Variants in ZNF618 observed in about 807,000 individuals in gnomAD.
ZNF618 encodes the protein neural precursor cell expressed, developmentally down-regulated 10.
ZNF618 carries 34 observed loss-of-function variants against 103.0 expected under a neutral mutation model. The ratio of observed to expected loss-of-function variants is 0.33; its 90% CI spans 0.25 to 0.44. ZNF618 has a LOEUF of 0.44. ZNF618 is among the 20% of genes least tolerant of loss of function. ZNF618 has a pLI of 1.00. For synonymous variants in ZNF618, 551 were observed against 542.2 expected (o/e 1.02, Z -0.23); for missense variants, 1,059 against 1,295.4 (o/e 0.82, Z 2.80).
chr9:113,985,532 G>C (rs1444632585), intron 2 of ZNF618, among the ~76,000 whole-genome samples: 1 of 152,204 alleles, frequency 6.6e-6, no homozygotes, highest in African/African-American at 2.4e-5. Flanking sequence ...TGGGGGGCCA[G>C]GGGGACTCTT....
chr9:113,977,034 G>A (rs1457163729), intron 2 of ZNF618, among the ~76,000 whole-genome samples: 2 of 152,278 alleles, frequency 1.3e-5, no homozygotes, highest in East Asian at 1.9e-4. Context: ...CAAGGGCAGC[G>A]TGCGTCCAGG....
At chr9:113,883,758 CCCA>C (rs1179285684) in intron 1 of ZNF618, among the ~76,000 whole-genome samples, 1 of 152,104 alleles carries the variant, frequency 6.6e-6, no homozygotes, top group Non-Finnish European at 1.5e-5. Flanking sequence ...TGTTCATATT[CCCA>C]CGTTTCCATA....
chr9:113,954,207 T>C (rs1423129762), intron 1 of ZNF618, among the ~76,000 whole-genome samples: 2 of 152,168 alleles, frequency 1.3e-5, no homozygotes, highest in East Asian at 3.9e-4. Context: ...TAGGAGTGGG[T>C]TTCCCCTAGC....
At chr9:114,028,052 C>G (rs1324054809) in intron 10 of ZNF618, 1 of 152,300 alleles carries the variant, frequency 6.6e-6, no homozygotes, top group African/African-American at 2.4e-5. Flanking sequence ...CTCCCAAGAC[C>G]ACCAGAGGTG....
chr9:114,002,551 CTT>C, intron 5 of ZNF618, 71 bp from the exon 6 acceptor site: 1 of 1,403,888 alleles, frequency 7.1e-7, no homozygotes, highest in East Asian at 2.3e-5. Flanking sequence ...TCCATGTTCT[CTT>C]TTGCACTTGG....
intron 3 of ZNF618, 77 bp from the exon 4 acceptor site, chr9:113,998,182 G>A: frequency 7.4e-7 from 1 of 1,356,192 alleles, no homozygotes; most frequent in Non-Finnish European, 1.0e-6. Context: ...TCAAAGTGCA[G>A]CCAACTTCGC....
intron 4 of ZNF618, 52 bp downstream of exon 4, chr9:113,998,406 G>A: frequency 3.4e-6 from 5 of 1,481,218 alleles, no homozygotes; most frequent in Non-Finnish European, 4.6e-6. Context: ...ATGGGTGGGG[G>A]CACAGCTGGA....
rs12349422 is a variant in ZNF618 at position 114,049,835 on chromosome 9, G to A, written c.2533G>A (p.Asp845Asn). The change falls in exon 15 of 15, where the codon GAC becomes AAC. Residue 845 changes from aspartate (D) to asparagine (N), a missense_variant. By Grantham distance (23) the Asp-to-Asn change is conservative (BLOSUM62 1). Transcript: ENST00000374126. ...GAAGGAGTCCTGGGCCGAGGAGGCC[G>A]ACTTCGAGCCCGCTGCCAAGAAGCC... ...EVKESWAEEA[D>N]FEPAAKKPRS... The A allele has an allele frequency of 4.0e-5, 64 of 1,613,848 alleles. No individual in the cohort carries two copies. The highest frequency in any genetic ancestry group is 4.5e-5 in the East Asian group (2 of 44,888).
intron 1 of ZNF618, among the ~76,000 whole-genome samples, chr9:113,924,398 G>GTCT (rs139348803): frequency 0.011 from 1,597 of 139,916 alleles, 36 homozygotes; most frequent in Admixed American, 0.039. Flanking sequence ...AGTAATTTGT[G>GTCT]TCTTCTTCTT....
At chr9:113,972,577 G>A (rs1419928570) in intron 2 of ZNF618, among the ~76,000 whole-genome samples, 1 of 152,056 alleles carries the variant, frequency 6.6e-6, no homozygotes, top group Non-Finnish European at 1.5e-5. Context: ...GTTAACACGT[G>A]TTACAGGAGC....
intron 1 of ZNF618, among the ~76,000 whole-genome samples, chr9:113,936,098 G>A (rs1834006300): frequency 6.6e-6 from 1 of 152,138 alleles, no homozygotes; most frequent in Admixed American, 6.5e-5. Flanking sequence ...GGGATTATAG[G>A]CTCGAGCCTC....
chr9:114,035,183 T>C, intron 12 of ZNF618: 1 of 986,026 alleles, frequency 1.0e-6, no homozygotes, highest in Non-Finnish European at 1.2e-6. Flanking sequence ...ACTGTTTCTC[T>C]TTTGCAGAAA....
intron 1 of ZNF618, among the ~76,000 whole-genome samples, chr9:113,951,440 T>TATATATGTGTATATATGTAC (rs1554732871): frequency 3.4e-5 from 1 of 29,464 alleles, no homozygotes; most frequent in African/African-American, 9.0e-5. Flanking sequence ...TGTATATATA[T>TATATATGTGTATATATGTAC]ACATATATGT....
At chr9:113,878,921 G>A (rs1162282334) in intron 1 of ZNF618, among the ~76,000 whole-genome samples, 1 of 152,126 alleles carries the variant, frequency 6.6e-6, no homozygotes, top group East Asian at 1.9e-4. Context: ...TCCCATCATC[G>A]CCATTGCATT....
Position 114,049,121 on chromosome 9 carries a change from G to A in ZNF618, c.1819G>A (p.Val607Met). 1 of 1,613,844 alleles carries A rather than the reference G, an allele frequency of 6.2e-7. No individual in the cohort carries two copies. The highest frequency in any genetic ancestry group is 8.5e-7 in the Non-Finnish European group (1 of 1,179,902). Reference protein sequence around the residue: ...HWVQNVLSEFVMSEIRTVYVT... With the variant: ...HWVQNVLSEFMMSEIRTVYVT... ...GGTGCAGAACGTGCTGTCGGAGTTCGTGATGTCGGAGATCAGGACAGTGTA... is the reference window on the plus strand; with the variant it reads ...GGTGCAGAACGTGCTGTCGGAGTTCATGATGTCGGAGATCAGGACAGTGTA... The change falls in exon 15 of 15, where the codon GTG becomes ATG. Residue 607 changes from valine (V) to methionine (M), a missense_variant. By Grantham distance (21) the Val-to-Met change is conservative. Around this residue, in one of 6 missense-constraint regions of ZNF618, gnomAD observed 272 missense variants for 380.1 expected, o/e 0.72. Transcript: ENST00000374126.
intron 2 of ZNF618, among the ~76,000 whole-genome samples, chr9:113,969,828 G>A (rs779152328): frequency 1.9e-4 from 29 of 152,274 alleles, no homozygotes; most frequent in Non-Finnish European, 3.8e-4. Flanking sequence ...AGGCTGGAAC[G>A]GCCACATGAC....
chr9:114,054,956 C>A lies in ZNF618; in HGVS notation c.*4789C>A, dbSNP rs1468136691. ...CTTCCCCCCCCACCCCCCCGCCCAC[C>A]CACCACGGGTGTCGCTTTAAAGAGT... On this transcript the variant is annotated 3_prime_UTR_variant, in exon 15 of 15. Transcript: ENST00000374126. 4 of 144,618 alleles carry A rather than the reference C, an allele frequency of 2.8e-5. No individual in the cohort carries two copies. The highest frequency in any genetic ancestry group is 1.5e-5 in the Non-Finnish European group (1 of 65,612). 9.0% of individuals were successfully genotyped at this position (144,618 alleles called of 1,614,324 possible). A position where few individuals can be genotyped will look rare whatever the true frequency, so the allele number is the denominator to read the frequency against.
chr9:113,885,880 T>G (rs1829023055), intron 1 of ZNF618, among the ~76,000 whole-genome samples: 1 of 152,166 alleles, frequency 6.6e-6, no homozygotes. Context: ...ATAAATATTT[T>G]GGCTGACAAA....
chr9:113,908,839 A>G (rs893624672), intron 1 of ZNF618, among the ~76,000 whole-genome samples: 1 of 151,926 alleles, frequency 6.6e-6, no homozygotes, highest in African/African-American at 2.4e-5. Flanking sequence ...CCCTCCAAGA[A>G]ACAGGTCTTG....
Sources: gnomAD v4.1 joint callset for allele counts (sites outside exome capture counted in the v4.1 genomes callset) on GRCh38, gnomAD v4.1.1 for gene constraint, gnomAD v4.1.1 regional missense constraint, MANE v1.5 for transcripts, NCBI Gene and HGNC (gene_info 2026-07-23, HGNC 2026-07-21) for gene names.